Variants in TEKT5 observed in about 807,000 individuals in gnomAD.
TEKT5 encodes the protein tektin-5.
A neutral mutation model predicts 48.7 loss-of-function variants in TEKT5; 52 were observed. That is an observed-to-expected ratio of 1.07 (90% confidence interval 0.86 to 1.35). The LOEUF is 1.35. Ranked by LOEUF, TEKT5 falls within the 40% of genes most tolerant of loss-of-function variation. The probability of loss-of-function intolerance (pLI) is 0.00; values close to 1 mark genes in which losing one functional copy is unlikely to be tolerated. For missense variants in TEKT5, 831 were observed against 641.6 expected, an observed-to-expected ratio of 1.30 and a Z score of -3.19; for synonymous variants, 318 against 267.6, an observed-to-expected ratio of 1.19 and a Z score of -1.84.
chr16:10,682,077 T>C lies in TEKT5; in HGVS notation c.779A>G (p.Gln260Arg), dbSNP rs780370256. 15 of 1,614,056 alleles carry C rather than the reference T, an allele frequency of 9.3e-6. No individual in the cohort carries two copies. The African/African-American group carries it at 1.7e-4, about 19-fold the overall frequency. The change falls in exon 4 of 7, where the codon CAG becomes CGG. Residue 260 changes from glutamine to arginine, a missense_variant. Gln to Arg is a conservative substitution (Grantham distance 43, BLOSUM62 1). Coordinates refer to ENST00000283025, the MANE Select transcript of TEKT5 (RefSeq NM_144674.2). ...GTTAAAGCACTTCTCATCGATACAC[T>C]GGGCCGAGCTTTTGTCTTCGAGGTC... is the stretch of plus-strand genomic sequence containing the variant. ...ERDLEDKSSA[Q>R]CIDEKCFNLR...
At chr16:10,660,607 G>A (rs1226773465) in intron 5 of TEKT5, among the ~76,000 whole-genome samples, 1 of 151,890 alleles carries the variant, frequency 6.6e-6, no homozygotes, top group African/African-American at 2.4e-5. Context: ...CATGCCCAGA[G>A]CCGCCACTTC....
intron 5 of TEKT5, among the ~76,000 whole-genome samples, chr16:10,645,783 G>T (rs972188109): frequency 6.6e-6 from 1 of 152,086 alleles, no homozygotes; most frequent in Non-Finnish European, 1.5e-5. Flanking sequence ...CTGCAAGACT[G>T]GGCAACAAGA....
chr16:10,685,879 T>A (rs995152294), intron 3 of TEKT5, among the ~76,000 whole-genome samples: 2 of 152,072 alleles, frequency 1.3e-5, no homozygotes, highest in African/African-American at 4.8e-5. Flanking sequence ...TCATCTGGGG[T>A]TGCAAAAGCG....
chr16:10,692,409 G>A (rs931823074), intron 1 of TEKT5, among the ~76,000 whole-genome samples: 10 of 152,176 alleles, frequency 6.6e-5, no homozygotes, highest in East Asian at 3.9e-4. Context: ...TCTCTCCTAC[G>A]GAAGCCCCTG....
intron 5 of TEKT5, among the ~76,000 whole-genome samples, chr16:10,658,473 T>C (rs899425442): frequency 2.0e-5 from 3 of 152,066 alleles, no homozygotes; most frequent in Non-Finnish European, 2.9e-5. Context: ...CTATATTGAG[T>C]AGAAGCAGCC....
intron 3 of TEKT5, among the ~76,000 whole-genome samples, chr16:10,683,693 G>A (rs1596418358): frequency 6.6e-6 from 1 of 152,194 alleles, no homozygotes; most frequent in East Asian, 1.9e-4. Context: ...TGGGTTCAAG[G>A]GGTTCTCCTA....
chr16:10,674,617 GAAAAAAAAA>G (rs57583870), intron 5 of TEKT5, among the ~76,000 whole-genome samples: 5 of 74,734 alleles, frequency 6.7e-5, no homozygotes, highest in South Asian at 4.8e-4. Flanking sequence ...GATCATCTCA[GAAAAAAAAA>G]AAAAAAAAAA....
Position 10,694,662 on chromosome 16 carries a change from G to C in TEKT5, c.212C>G (p.Thr71Ser), listed in dbSNP as rs1439567416. 1 of 1,613,362 alleles carries C rather than the reference G, an allele frequency of 6.2e-7. No homozygotes were observed. Among genetic ancestry groups the C allele is most frequent in the African/African-American group, 1.3e-5 (1 of 75,056 alleles). The change falls in exon 1 of 7, where the codon ACC becomes AGC. Residue 71 changes from threonine to serine, a missense_variant. Coordinates refer to ENST00000283025, the MANE Select transcript of TEKT5 (RefSeq NM_144674.2). ...VQTCPDESTS[T>S]LRPPTILPTL... is the part of the protein sequence containing the mutation. ...GGGCAGGATGGTGGGCGGCCGCAGGGTACTGGTGCTCTCGTCCGGGCAGGT... is the reference window on the plus strand; with the variant it reads ...GGGCAGGATGGTGGGCGGCCGCAGGCTACTGGTGCTCTCGTCCGGGCAGGT...
chr16:10,658,016 C>A (rs1161642593), intron 5 of TEKT5, among the ~76,000 whole-genome samples: 1 of 152,130 alleles, frequency 6.6e-6, no homozygotes, highest in East Asian at 1.9e-4. Flanking sequence ...TCACTATAAT[C>A]TAATTTAGAA....
chr16:10,679,543 G>A (rs1183102336), intron 4 of TEKT5, among the ~76,000 whole-genome samples: 1 of 151,762 alleles, frequency 6.6e-6, no homozygotes, highest in South Asian at 2.1e-4. Flanking sequence ...TAGAGATACT[G>A]CAATTCAGAC....
In TEKT5 at chr16:10,678,329, C is replaced by G. The variant is rs546754246; in HGVS notation, c.864-2148G>C. On this transcript the variant is annotated intron_variant, in intron 4 of 6. Coordinates refer to ENST00000283025, the MANE Select transcript of TEKT5 (RefSeq NM_144674.2). ...GGCCAGGATGGTCTGGATCTCTTGA[C>G]GTCGTGATTCGCCCACCTCAGCCTC... 3.0e-3 allele frequency among the ~76,000 whole-genome samples: 461 copies of G among 152,198 alleles called. 3 individuals are homozygous for G. The highest frequency in any genetic ancestry group is 0.011 in the African/African-American group (436 of 41,522).
intron 5 of TEKT5, among the ~76,000 whole-genome samples, chr16:10,673,943 C>T (rs1040020424): frequency 6.6e-6 from 1 of 152,012 alleles, no homozygotes; most frequent in Admixed American, 6.6e-5. Context: ...TGAACCACCA[C>T]GCCCGGCCGC....
chr16:10,684,481 G>A (rs1052076032), intron 3 of TEKT5, among the ~76,000 whole-genome samples: 1 of 151,772 alleles, frequency 6.6e-6, no homozygotes, highest in Non-Finnish European at 1.5e-5. Context: ...AATCCTCACA[G>A]TGGTGGCGGT....
intron 1 of TEKT5, among the ~76,000 whole-genome samples, chr16:10,691,947 CA>C (rs36117622): frequency 0.04 from 4,188 of 103,578 alleles, 201 homozygotes; most frequent in African/African-American, 0.13. Context: ...GAGTCCATCT[CA>C]AAAAAAAAAA....
chr16:10,659,743 T>G (rs62025797), intron 5 of TEKT5, among the ~76,000 whole-genome samples: 9 of 151,862 alleles, frequency 5.9e-5, no homozygotes, highest in South Asian at 2.1e-4. Flanking sequence ...AAGAAAACCA[T>G]GAAAGGCCTG....
Position 10,675,985 on chromosome 16 carries a change from T to G in TEKT5, c.1060A>C (p.Asn354His), listed in dbSNP as rs1426090834. Reference protein sequence around the residue: ...ARISEVTDVKNKLQTQLAKTL... With the variant: ...ARISEVTDVKHKLQTQLAKTL... ...TTCGCCAGCTGCGTCTGCAGCTTAT[T>G]CTTCACATCCGTCACCTCAGAGATG... Residue 354 changes from asparagine to histidine, a missense_variant, in exon 5 of 7, where the codon AAT becomes CAT. Transcript: ENST00000283025. 1 of 1,614,038 alleles carries G rather than the reference T, an allele frequency of 6.2e-7. No individual in the cohort carries two copies. The highest frequency in any genetic ancestry group is 1.3e-5 in the African/African-American group (1 of 74,924).
At chr16:10,683,714 C>A (rs1018473914) in intron 3 of TEKT5, among the ~76,000 whole-genome samples, 15 of 152,182 alleles carry the variant, frequency 9.9e-5, no homozygotes, top group African/African-American at 3.4e-4. Flanking sequence ...CCTCAGTCTC[C>A]CTAGTAGCTG....
intron 3 of TEKT5, among the ~76,000 whole-genome samples, chr16:10,687,667 C>T (rs1256654336): frequency 3.3e-5 from 5 of 152,212 alleles, no homozygotes; most frequent in African/African-American, 4.8e-5. Flanking sequence ...GCAGGAGAAA[C>T]GCATGAATCT....
At chr16:10,687,230 A>T (rs1473320438) in intron 3 of TEKT5, among the ~76,000 whole-genome samples, 1 of 152,240 alleles carries the variant, frequency 6.6e-6, no homozygotes, top group Non-Finnish European at 1.5e-5. Flanking sequence ...ATCACAAAAA[A>T]TAAGTATGTG....
Sources: allele counts gnomAD v4.1 joint callset (sites outside exome capture counted in the v4.1 genomes callset), GRCh38; gene constraint gnomAD v4.1.1; transcripts MANE v1.5; gene names NCBI Gene and HGNC (gene_info 2026-07-23, HGNC 2026-07-21).